Variants in KMT2E observed in about 807,000 individuals in gnomAD.
The protein encoded by KMT2E is lysine methyltransferase 2E (inactive), also known as histone reader KMT2E.
In KMT2E, 30 loss-of-function variants were observed where a neutral mutation model predicts 184.6. The observed-to-expected ratio is 0.16, with a 90% CI of 0.12 to 0.22. The LOEUF (loss-of-function observed/expected upper bound fraction) is 0.22, where lower values mean the gene tolerates loss of function less well. Ranked by LOEUF, KMT2E falls within the 10% of genes least tolerant of loss-of-function variation. The pLI, the probability that KMT2E is intolerant of heterozygous loss-of-function variation, is 1.00. For missense variants in KMT2E, 2,023 were observed against 2,237.4 expected (o/e 0.90, Z 1.93); for synonymous variants, 815 against 776.5 (o/e 1.05, Z -0.82).
intron 1 of KMT2E, among the ~76,000 whole-genome samples, chr7:105,026,897 C>T (rs538389154): frequency 2.6e-5 from 4 of 152,226 alleles, no homozygotes; most frequent in South Asian, 2.1e-4. Context: ...GTACCTCTTA[C>T]CTCCTAAAGT....
chr7:105,033,541 C>T (rs1015880469), intron 1 of KMT2E, among the ~76,000 whole-genome samples: 1 of 152,076 alleles, frequency 6.6e-6, no homozygotes, highest in East Asian at 1.9e-4. Context: ...CTGTGTCGCC[C>T]AGTCTGGAGT....
At chr7:105,083,541 T>C (rs1797841532) in intron 13 of KMT2E, among the ~76,000 whole-genome samples, 2 of 152,244 alleles carry the variant, frequency 1.3e-5, no homozygotes. Context: ...ACCAAAAGAC[T>C]GGCAGCTTCC....
At chr7:105,049,816 G>A (rs1796256587) in intron 3 of KMT2E, among the ~76,000 whole-genome samples, 2 of 152,160 alleles carry the variant, frequency 1.3e-5, no homozygotes, top group East Asian at 1.9e-4. Flanking sequence ...GCTTGAACTC[G>A]GGAGGCAGAG....
chr7:105,071,761 G>A (rs1797331000), intron 6 of KMT2E, among the ~76,000 whole-genome samples: 1 of 150,528 alleles, frequency 6.6e-6, no homozygotes, highest in Non-Finnish European at 1.5e-5. Flanking sequence ...CCGGCCTGCA[G>A]TTTTGAATTC....
At chr7:105,015,915 GA>G (rs549487677) in intron 1 of KMT2E, among the ~76,000 whole-genome samples, 10 of 141,652 alleles carry the variant, frequency 7.1e-5, no homozygotes, top group South Asian at 2.2e-4. Context: ...CTCCACTTTT[GA>G]AAAAAAAAAA....
chr7:105,106,479 T>C (rs1186118875), intron 19 of KMT2E, 43 bp from the exon 20 acceptor site: 3 of 1,522,526 alleles, frequency 2.0e-6, no homozygotes, highest in Non-Finnish European at 2.7e-6. Context: ...TTTTAACAAA[T>C]AGCAACAGTG....
chr7:105,062,630 A>G, intron 4 of KMT2E, among the ~76,000 whole-genome samples: 1 of 151,956 alleles, frequency 6.6e-6, no homozygotes, highest in Non-Finnish European at 1.5e-5. Context: ...TTATATAGTA[A>G]TTTATATAGT....
At chr7:105,037,488 A>G (rs1795708212) in intron 1 of KMT2E, among the ~76,000 whole-genome samples, 1 of 151,896 alleles carries the variant, frequency 6.6e-6, no homozygotes, top group South Asian at 2.1e-4. Flanking sequence ...TCAGCCTCCC[A>G]AGTAACTGGG....
intron 13 of KMT2E, among the ~76,000 whole-genome samples, chr7:105,087,117 A>G (rs1358337186): frequency 1.4e-5 from 2 of 147,400 alleles, no homozygotes; most frequent in African/African-American, 4.9e-5. Flanking sequence ...CATATGTGCT[A>G]TGTATGTGCT....
At position 105,105,892 on chromosome 7, in the gene KMT2E, T is replaced by C. The variant is rs936560444; in HGVS notation, c.2485T>C (p.Ser829Pro). Reference protein sequence around the residue: ...WLKQALEEENSAILHRFNSPC... With the variant: ...WLKQALEEENPAILHRFNSPC... ...GAAACAAGCTCTGGAAGAAGAAAAT[T>C]CAGCAATTTTACATAGATTTAATTC... The change falls in exon 19 of 27, where the codon TCA becomes CCA. Residue 829 changes from serine to proline, a missense_variant. Around this residue, in one of 8 missense-constraint regions of KMT2E, gnomAD observed 514 missense variants for 621.8 expected, o/e 0.83. Coordinates refer to ENST00000311117, the MANE Select transcript of KMT2E (RefSeq NM_182931.3). The C allele has an allele frequency of 6.2e-7, 1 of 1,612,814 alleles. No individual in the cohort carries two copies. The highest frequency in any genetic ancestry group is 1.3e-5 in the African/African-American group (1 of 74,920).
chr7:105,020,424 C>T (rs1584684337), intron 1 of KMT2E, among the ~76,000 whole-genome samples: 1 of 151,852 alleles, frequency 6.6e-6, no homozygotes, highest in Admixed American at 6.6e-5. Flanking sequence ...AACCCCATCT[C>T]TGCTACAAAA....
chr7:105,057,617 A>G (rs1344655811), intron 3 of KMT2E, among the ~76,000 whole-genome samples: 2 of 151,770 alleles, frequency 1.3e-5, no homozygotes, highest in African/African-American at 4.8e-5. Flanking sequence ...ATGCCCAGCT[A>G]ATTTTTTCAT....
chr7:105,066,841 A>C, intron 6 of KMT2E, 34 bp downstream of exon 6: 1 of 1,386,380 alleles, frequency 7.2e-7, no homozygotes, highest in African/African-American at 1.4e-5. Flanking sequence ...ATTGCCAGTA[A>C]TTTTACTGAG....
chr7:105,102,167 T>G lies in KMT2E; in HGVS notation c.2169T>G (p.Cys723Trp). The G allele has an allele frequency of 1.2e-6, 2 of 1,609,548 alleles. No individual in the cohort carries two copies. The highest frequency in any genetic ancestry group is 2.7e-5 in the African/African-American group (2 of 74,744). ...TETEVPALNK[C>W]PTKYPKTKKH... ...CTGAAGTTCCAGCACTTAATAAATG[T>G]CCTACCAAGTACCCCAAAACAAAGA... Residue 723 changes from cysteine (C) to tryptophan (W), a missense_variant, in exon 17 of 27, where the codon TGT (cysteine) becomes TGG (tryptophan). Coordinates refer to ENST00000311117, the MANE Select transcript of KMT2E (RefSeq NM_182931.3).
Position 105,113,090 on chromosome 7 carries a change from G to A in KMT2E, c.5334G>A (p.Gln1778=), listed in dbSNP as rs759707468. The A allele has an allele frequency of 1.2e-6, 2 of 1,614,122 alleles. No individual in the cohort carries two copies. The highest frequency in any genetic ancestry group is 1.1e-5 in the South Asian group (1 of 91,078). The change falls in exon 27 of 27, where the codon CAG becomes CAA. Residue 1778 remains glutamine, a synonymous_variant. Coordinates refer to ENST00000311117, the MANE Select transcript of KMT2E (RefSeq NM_182931.3). The part of the protein sequence containing the change: ...HTTLGPGPQH[Q]PSGTGPHCPL... Reference sequence around the variant, plus strand: ...CTTTGGGACCGGGACCCCAGCACCAGCCTTCTGGAACAGGGCCACATTGTC... The same window carrying A: ...CTTTGGGACCGGGACCCCAGCACCAACCTTCTGGAACAGGGCCACATTGTC...
chr7:105,111,067 A>G, intron 26 of KMT2E, 199 bp downstream of exon 26: 1 of 557,846 alleles, frequency 1.8e-6, no homozygotes, highest in Non-Finnish European at 3.2e-6. Flanking sequence ...AACTCTGACC[A>G]AACATTCAAG....
At chr7:105,060,193 C>T (rs1003103794) in intron 3 of KMT2E, among the ~76,000 whole-genome samples, 12 of 151,464 alleles carry the variant, frequency 7.9e-5, no homozygotes, top group African/African-American at 2.7e-4. Flanking sequence ...TGGGTTTTCA[C>T]CATCTTGGCC....
rs557942079 is a variant in KMT2E at position 105,113,197 on chromosome 7, A to G, written c.5441A>G (p.His1814Arg). The G allele has an allele frequency of 1.6e-5, 26 of 1,614,212 alleles. No individual in the cohort carries two copies. The South Asian group carries it at 2.2e-4, about 14-fold the overall frequency. ...CCTACTGCTTCAGGGTTCTGTCCTCATCCTGGCTCTGTGGCCCTGCCACAT... is the reference window on the plus strand; with the variant it reads ...CCTACTGCTTCAGGGTTCTGTCCTCGTCCTGGCTCTGTGGCCCTGCCACAT... ...PTPTASGFCP[H>R]PGSVALPHGV... is the part of the protein sequence containing the mutation. The change falls in exon 27 of 27, where the codon CAT becomes CGT. Residue 1814 changes from histidine to arginine, a missense_variant. By Grantham distance (29) the His-to-Arg change is conservative. Transcript: ENST00000311117.
chr7:105,106,930 A>T (rs564050131), intron 20 of KMT2E, among the ~76,000 whole-genome samples, 158 bp downstream of exon 20: 55 of 152,346 alleles, frequency 3.6e-4, no homozygotes, highest in Admixed American at 5.2e-4. Context: ...ATGAATTTAG[A>T]TGTTTTTATT....
Sources: gnomAD v4.1 joint callset for allele counts (sites outside exome capture counted in the v4.1 genomes callset) on GRCh38, gnomAD v4.1.1 for gene constraint, gnomAD v4.1.1 regional missense constraint, MANE v1.5 for transcripts, NCBI Gene and HGNC (gene_info 2026-07-23, HGNC 2026-07-21) for gene names.